Variants in TRIM62 observed in about 807,000 individuals in gnomAD.
The protein encoded by TRIM62 is tripartite motif containing 62, also known as E3 ubiquitin-protein ligase TRIM62.
A neutral mutation model predicts 44.2 loss-of-function variants in TRIM62; 39 were observed. The observed-to-expected ratio is 0.88, with a 90% confidence interval of 0.68 to 1.15. The LOEUF is 1.15. Ranked by LOEUF, TRIM62 falls within the 50% of genes most tolerant of loss-of-function variation. The pLI is 0.00. For missense variants in TRIM62, 544 were observed against 665.5 expected (o/e 0.82, Z 2.01); for synonymous variants, 278 against 292.3 (o/e 0.95, Z 0.50).
Position 33,181,145 on chromosome 1 carries a change from G to A in TRIM62, c.288C>T (p.His96=), listed in dbSNP as rs757089093. Residue 96 remains histidine (H), a synonymous_variant, in exon 1 of 5, where the codon CAC becomes CAT. Coordinates refer to ENST00000291416, the MANE Select transcript of TRIM62 (RefSeq NM_018207.3). The surrounding 1 kb of genome is among the most constrained non-coding windows in gnomAD (Gnocchi z 6.5). Reference sequence around the variant, plus strand: ...TGAGGCAGAAGAGCTTGACCTTGTCGTGCGCCTGGCAGGGTCGCGCGGCGC... The same window carrying A: ...TGAGGCAGAAGAGCTTGACCTTGTCATGCGCCTGGCAGGGTCGCGCGGCGC... ...ARRAARPCQA[H]DKVKLFCLTD... is the part of the protein sequence containing the mutation. 1.9e-6 allele frequency: 3 copies of A among 1,600,402 alleles called. No individual in the cohort carries two copies. The South Asian group carries it at 3.3e-5, about 18-fold the overall frequency.
At chr1:33,154,809 A>G (rs898436736) in intron 4 of TRIM62, among the ~76,000 whole-genome samples, 18 of 117,374 alleles carry the variant, frequency 1.5e-4, no homozygotes, top group African/African-American at 4.6e-4. Context: ...AAAAAAAAAA[A>G]GTGGCCAGGC....
chr1:33,158,489 G>C (rs1011844605), intron 3 of TRIM62, 121 bp from the exon 4 acceptor site: 4 of 721,160 alleles, frequency 5.5e-6, no homozygotes, highest in Middle Eastern at 2.5e-4. Flanking sequence ...AGAAGTCTGT[G>C]GGACTCAGAT....
rs1403537955 is a variant in TRIM62 at position 33,161,281 on chromosome 1, AG to A, written c.505-1338del. On this transcript the variant is annotated intron_variant, in intron 2 of 4. Coordinates refer to ENST00000291416, the MANE Select transcript of TRIM62 (RefSeq NM_018207.3). The surrounding 1 kb of genome is among the most constrained non-coding windows in gnomAD (Gnocchi z 4.3). ...ATGGGCAGGATGTCAGTTGGGGGTC[AG>A]GGGAACAGGCAGAGGGAGCCGCATG... 6.6e-6 allele frequency among the ~76,000 whole-genome samples: 1 copy of A among 152,214 alleles called. No individual in the cohort carries two copies. The highest frequency in any genetic ancestry group is 1.5e-5 in the Non-Finnish European group (1 of 68,030).
intron 1 of TRIM62, among the ~76,000 whole-genome samples, chr1:33,169,210 T>TA (rs34911973): frequency 6.6e-6 from 1 of 152,070 alleles, no homozygotes; most frequent in East Asian, 1.9e-4. Context: ...GCGATCGTGT[T>TA]AGGAGATCCC....
At chr1:33,150,235 C>G (rs557656810) in intron 4 of TRIM62, among the ~76,000 whole-genome samples, 1 of 152,194 alleles carries the variant, frequency 6.6e-6, no homozygotes, top group Non-Finnish European at 1.5e-5. Flanking sequence ...ACATCCAGCT[C>G]TCTGGCTCTT....
In TRIM62 at chr1:33,181,213, G is replaced by A. The variant is rs1027871979; in HGVS notation, c.220C>T (p.Arg74Cys). The A allele has an allele frequency of 6.3e-7, 1 of 1,579,304 alleles. No homozygotes were observed. The highest frequency in any genetic ancestry group is 1.3e-5 in the African/African-American group (1 of 74,432). ...PSLKLANIVE[R>C]YSSFPLDAIL... ...GCGTCCAGCGGGAAGGAGCTGTAGC[G>A]CTCCACGATGTTGGCCAGCTTGAGG... The change falls in exon 1 of 5, where the codon CGC (arginine) becomes TGC (cysteine). Residue 74 changes from arginine to cysteine, a missense_variant. By Grantham distance (180) the Arg-to-Cys change is radical. Coordinates refer to ENST00000291416, the MANE Select transcript of TRIM62 (RefSeq NM_018207.3). The surrounding 1 kb of genome is among the most constrained non-coding windows in gnomAD (Gnocchi z 6.5).
At position 33,152,092 on chromosome 1, in the gene TRIM62, C is replaced by G. The variant is rs540375287; in HGVS notation, c.878-4365G>C. Among the ~76,000 whole-genome samples the G allele has an allele frequency of 6.6e-5, 10 of 152,314 alleles. No individual in the cohort carries two copies. In the South Asian group the frequency reaches 1.9e-3, roughly 28 times the overall value. ...AGCTCATGGGAGCACCACGACAGACCCAGGGGCACAAATTGTTCTAGCCAT... is the reference window on the plus strand; with the variant it reads ...AGCTCATGGGAGCACCACGACAGACGCAGGGGCACAAATTGTTCTAGCCAT... On this transcript the variant is annotated intron_variant, in intron 4 of 4. Coordinates refer to ENST00000291416, the MANE Select transcript of TRIM62 (RefSeq NM_018207.3).
In TRIM62 at chr1:33,176,480, G is replaced by A. The variant is rs1645420515; in HGVS notation, c.408+4545C>T. ...AGGAAGCCTTGGGAAGGGCTCCAAT[G>A]GTCACATGAGGCCTGGAGGGGGCGG... On this transcript the variant is annotated intron_variant, in intron 1 of 4. Transcript: ENST00000291416. 7.2e-6 allele frequency: 5 copies of A among 692,250 alleles called. No individual in the cohort carries two copies. In the East Asian group the frequency reaches 1.3e-4, roughly 19 times the overall value. 42.9% of individuals were successfully genotyped at this position (692,250 alleles called of 1,614,324 possible). A position where few individuals can be genotyped will look rare whatever the true frequency, so the allele number is the denominator to read the frequency against.
At chr1:33,173,278 C>G (rs1408321088) in intron 1 of TRIM62, among the ~76,000 whole-genome samples, 1 of 152,224 alleles carries the variant, frequency 6.6e-6, no homozygotes, top group Non-Finnish European at 1.5e-5. Flanking sequence ...TCCCCTGGCA[C>G]ACTGCCCCAC....
rs546755123 is a variant in TRIM62 at position 33,158,434 on chromosome 1, C to T, written c.762-66G>A. The T allele has an allele frequency of 1.6e-4, 211 of 1,326,450 alleles. No homozygotes were observed. In the African/African-American group the frequency reaches 2.0e-3, roughly 12 times the overall value. The allele number at this position is 1,326,450 out of a possible 1,614,324, so 82.2% of individuals were successfully genotyped here. A position where few individuals can be genotyped will look rare whatever the true frequency, so the allele number is the denominator to read the frequency against. ...ATTCCTGCCCCAATGCCAGGGGCCC[C>T]GCAGCCACCTTCAGGGCAGCTGGCA... is the stretch of plus-strand genomic sequence containing the variant. On this transcript the variant is annotated intron_variant, in intron 3 of 4. Coordinates refer to ENST00000291416, the MANE Select transcript of TRIM62 (RefSeq NM_018207.3).
rs1645271239 is a variant in TRIM62, at chr1:33,161,742, A to G, written c.505-1798T>C. ...CCTGCACCACCTGGAGCTGCCCTCC[A>G]CAGGCGCCCAGACTCCGCAGCTACT... On this transcript the variant is annotated intron_variant, in intron 2 of 4. Transcript: ENST00000291416. The surrounding 1 kb of genome is among the most constrained non-coding windows in gnomAD (Gnocchi z 4.3). 6.6e-6 allele frequency among the ~76,000 whole-genome samples: 1 copy of G among 152,158 alleles called. No individual in the cohort carries two copies. The highest frequency in any genetic ancestry group is 1.5e-5 in the Non-Finnish European group (1 of 68,018).
chr1:33,156,115 C>G (rs146576996), intron 4 of TRIM62, among the ~76,000 whole-genome samples: 11 of 152,316 alleles, frequency 7.2e-5, no homozygotes, highest in African/African-American at 2.2e-4. Context: ...TGCAGCAGAT[C>G]GCAGTCAAGG....
intron 4 of TRIM62, among the ~76,000 whole-genome samples, chr1:33,151,779 T>G (rs373273288): frequency 6.6e-6 from 1 of 152,210 alleles, no homozygotes; most frequent in Non-Finnish European, 1.5e-5. Context: ...GGAAGGATCA[T>G]GGACTGTGGA....
chr1:33,153,791 G>A (rs1490649650), intron 4 of TRIM62, among the ~76,000 whole-genome samples: 3 of 152,146 alleles, frequency 2.0e-5, no homozygotes, highest in African/African-American at 7.2e-5. Flanking sequence ...TTTTATTGAG[G>A]CGCTATTCTA....
intron 4 of TRIM62, among the ~76,000 whole-genome samples, chr1:33,151,201 C>T (rs917365047): frequency 6.6e-6 from 1 of 152,144 alleles, no homozygotes; most frequent in Admixed American, 6.5e-5. Context: ...GAAATCCTGA[C>T]CCAGTGAATG....
At chr1:33,176,504 G>A (rs530438635) in intron 1 of TRIM62, 41 of 670,180 alleles carry the variant, frequency 6.1e-5, no homozygotes, top group African/African-American at 2.3e-4. Context: ...TGGAGGGGGC[G>A]GCTGAGACTG....
At chr1:33,164,354 C>T (rs1056074940) in intron 2 of TRIM62, 1 of 152,332 alleles carries the variant, frequency 6.6e-6, no homozygotes, top group African/African-American at 2.4e-5. Flanking sequence ...CTCCTGCTGA[C>T]AGAGCGGGGT....
rs146567242 is a variant in TRIM62, at chr1:33,161,916, C to T, written c.505-1972G>A. On this transcript the variant is annotated intron_variant, in intron 2 of 4. Transcript: ENST00000291416. The surrounding 1 kb of genome is among the most constrained non-coding windows in gnomAD (Gnocchi z 4.3). ...GCTCATCCAGGTCAGCGCCTTCCAT[C>T]CTCACCCTGAACACCTGCCCCCATT... Among the ~76,000 whole-genome samples the T allele has an allele frequency of 0.011, 1,643 of 152,282 alleles. 24 individuals are homozygous for T. The highest frequency in any genetic ancestry group is 0.036 in the African/African-American group (1,507 of 41,550).
chr1:33,156,910 A>G (rs1356348642), intron 4 of TRIM62, among the ~76,000 whole-genome samples: 1 of 151,786 alleles, frequency 6.6e-6, no homozygotes, highest in Non-Finnish European at 1.5e-5. Flanking sequence ...CTTACAAAAT[A>G]TGTCCTAAAT....
Sources: allele counts gnomAD v4.1 joint callset (sites outside exome capture counted in the v4.1 genomes callset), GRCh38; gene constraint gnomAD v4.1.1; non-coding constraint Gnocchi (gnomAD v3.1); transcripts MANE v1.5; gene names NCBI Gene and HGNC (gene_info 2026-07-23, HGNC 2026-07-21).